Variants in BCL11A observed in about 807,000 individuals in gnomAD.
The protein encoded by BCL11A is B cell CLL/lymphoma 11A.
BCL11A carries 2 observed loss-of-function variants against 55.9 expected under a neutral mutation model. That is an observed-to-expected ratio of 0.04 (90% CI 0.01 to 0.11). BCL11A has a LOEUF of 0.11. BCL11A is among the 10% of genes least tolerant of loss of function. The pLI, the probability that BCL11A is intolerant of heterozygous loss-of-function variation, is 1.00. For missense variants in BCL11A, 817 were observed against 1,137.1 expected (o/e 0.72, Z 4.05); for synonymous variants, 465 against 473.4 (o/e 0.98, Z 0.23).
intron 2 of BCL11A, chr2:60,536,909 G>C (rs781374830): frequency 3.9e-5 from 6 of 152,258 alleles, no homozygotes; most frequent in Non-Finnish European, 7.3e-5. Flanking sequence ...AATGCCTGCT[G>C]TCAGCAGCTG....
At chr2:60,479,352 C>A (rs910140670) in intron 2 of BCL11A, among the ~76,000 whole-genome samples, 1 of 152,188 alleles carries the variant, frequency 6.6e-6, no homozygotes, top group African/African-American at 2.4e-5. Flanking sequence ...TGTTTTGAGT[C>A]TCTCTAAGAC....
rs147247403 is a variant in BCL11A, at chr2:60,497,081, C to T, written c.386-28248G>A. Among the ~76,000 whole-genome samples the T allele has an allele frequency of 3.9e-3, 599 of 152,290 alleles. 6 individuals are homozygous for T. The highest frequency in any genetic ancestry group is 0.014 in the African/African-American group (576 of 41,550). On this transcript the variant is annotated intron_variant, in intron 2 of 3. Transcript: ENST00000642384. ...AGTGTTGAGTGGACAGGGAGTACAC[C>T]GCAGACACCTGTTGGCCAACCAATT...
At chr2:60,475,635 CCT>C (rs1175442828) in intron 2 of BCL11A, among the ~76,000 whole-genome samples, 3 of 152,130 alleles carry the variant, frequency 2.0e-5, no homozygotes, top group Non-Finnish European at 4.4e-5. Context: ...CCAAATTTCC[CCT>C]CTTTCTTCTT....
At chr2:60,552,900 G>C (rs949861830) in intron 1 of BCL11A, among the ~76,000 whole-genome samples, 1 of 151,896 alleles carries the variant, frequency 6.6e-6, no homozygotes, top group Non-Finnish European at 1.5e-5. Context: ...GGCGGGGGGG[G>C]AGTGGAATCA....
downstream of BCL11A, chr2:60,452,469 T>C: frequency 3.2e-6 from 3 of 943,126 alleles, no homozygotes; most frequent in Non-Finnish European, 5.2e-6. Flanking sequence ...CAACGGCTTC[T>C]TGGAGGCTAC....
At position 60,461,189 on chromosome 2, in the gene BCL11A, G is replaced by C. The variant is rs747373412; in HGVS notation, c.1723C>G (p.Leu575Val). ...TCCCTGTGGCCCTCGGCCTCGGCCA[G>C]GTGGCCGCGCTTATGCTTCTCGCCC... ...VLGEKHKRGH[L>V]AEAEGHRDTC... The change falls in exon 4 of 4, where the codon CTG becomes GTG. Residue 575 changes from leucine (L) to valine (V), a missense_variant. Physicochemically the swap from Leu to Val is conservative, Grantham distance 32 (BLOSUM62 1). Around this residue, in one of 4 missense-constraint regions of BCL11A, gnomAD observed 379 missense variants for 425.3 expected, o/e 0.89. Transcript: ENST00000642384. 6.2e-7 allele frequency: 1 copy of C among 1,612,550 alleles called. No individual in the cohort carries two copies. The highest frequency in any genetic ancestry group is 8.5e-7 in the Non-Finnish European group (1 of 1,179,842).
At chr2:60,526,874 G>A (rs1454146608) in intron 2 of BCL11A, 1 of 152,224 alleles carries the variant, frequency 6.6e-6, no homozygotes, top group Non-Finnish European at 1.5e-5. Flanking sequence ...GCATTCTTAA[G>A]CGGGGAACTA....
intron 2 of BCL11A, among the ~76,000 whole-genome samples, chr2:60,502,811 C>T (rs1473915775): frequency 6.6e-6 from 1 of 152,202 alleles, no homozygotes; most frequent in Non-Finnish European, 1.5e-5. Context: ...CTAGTCCTGT[C>T]ACCCAGAAAC....
chr2:60,482,673 C>G (rs1678030753), intron 2 of BCL11A, among the ~76,000 whole-genome samples: 1 of 152,176 alleles, frequency 6.6e-6, no homozygotes, highest in Admixed American at 6.5e-5. Flanking sequence ...CACTGCATCC[C>G]AAGGTTAAGA....
intron 2 of BCL11A, among the ~76,000 whole-genome samples, chr2:60,521,004 A>G (rs577800766): frequency 1.3e-5 from 2 of 152,130 alleles, no homozygotes. Context: ...CTATTTGTCT[A>G]AACACTTTTT....
At position 60,460,800 on chromosome 2, in the gene BCL11A, C is replaced by T. The variant is rs1164854598; in HGVS notation, c.2112G>A (p.Gly704=). The T allele has an allele frequency of 6.2e-7, 1 of 1,612,996 alleles. No individual in the cohort carries two copies. The highest frequency in any genetic ancestry group is 8.5e-7 in the Non-Finnish European group (1 of 1,180,028). The change falls in exon 4 of 4, where the codon GGG becomes GGA. Residue 704 remains glycine (G), a synonymous_variant. Transcript: ENST00000642384. ...GCCCCGAGATCCCTCCGTCCAGCTC[C>T]CCGGGCGGTGTGGAGAAGCGCAAAC... ...NGSLRFSTPP[G]ELDGGISGRS... is the part of the protein sequence containing the mutation.
chr2:60,531,254 A>G (rs1669445460), intron 2 of BCL11A, among the ~76,000 whole-genome samples: 1 of 152,146 alleles, frequency 6.6e-6, no homozygotes, highest in Admixed American at 6.5e-5. Context: ...CACAGACACA[A>G]ATCCCGTTGG....
At chr2:60,465,385 G>T (rs1201863588) in intron 3 of BCL11A, among the ~76,000 whole-genome samples, 1 of 152,196 alleles carries the variant, frequency 6.6e-6, no homozygotes, top group African/African-American at 2.4e-5. Flanking sequence ...GCCTCATTGG[G>T]CATTTACGGG....
intron 2 of BCL11A, chr2:60,508,895 AG>A (rs1363147358): frequency 6.6e-6 from 1 of 152,280 alleles, no homozygotes; most frequent in Non-Finnish European, 1.5e-5. Flanking sequence ...GGGAAACCTA[AG>A]GCCTACCTTG....
intron 2 of BCL11A, among the ~76,000 whole-genome samples, chr2:60,500,911 T>G (rs1223243017): frequency 6.6e-6 from 1 of 152,000 alleles, no homozygotes; most frequent in Non-Finnish European, 1.5e-5. Context: ...CAACCTGGGG[T>G]TGCTGATGGA....
chr2:60,551,553 C>A (rs1237094231), intron 1 of BCL11A, among the ~76,000 whole-genome samples: 1 of 152,250 alleles, frequency 6.6e-6, no homozygotes, highest in Non-Finnish European at 1.5e-5. Context: ...GGACAAGAGA[C>A]GTCTGAGAAA....
intron 2 of BCL11A, among the ~76,000 whole-genome samples, chr2:60,508,252 G>A (rs536726202): frequency 1.3e-5 from 2 of 152,150 alleles, no homozygotes; most frequent in South Asian, 4.2e-4. Flanking sequence ...TAAAAACTAG[G>A]AGGAAGCTCA....
chr2:60,550,109 G>A (rs1434123937), intron 1 of BCL11A, among the ~76,000 whole-genome samples: 1 of 152,062 alleles, frequency 6.6e-6, no homozygotes, highest in Non-Finnish European at 1.5e-5. Context: ...AAGTGAGGCT[G>A]GAGACCAAGT....
rs762756213 is a variant in BCL11A at position 60,462,060 on chromosome 2, C to T, written c.852G>A (p.Ala284=). The T allele has an allele frequency of 5.6e-6, 9 of 1,593,146 alleles. No homozygotes were observed. The highest frequency in any genetic ancestry group is 7.7e-6 in the Non-Finnish European group (9 of 1,169,920). ...LDPHRIERLG[A]EEMALATHHP... ...GATGGGTGGCCAGGGCCATCTCTTC[C>T]GCCCCCAGGCGCTCTATGCGGTGGG... is the stretch of plus-strand genomic sequence containing the variant. Residue 284 remains alanine (A), a synonymous_variant, in exon 4 of 4, where the codon GCG becomes GCA. Transcript: ENST00000642384.
Sources: gnomAD v4.1 joint callset for allele counts (sites outside exome capture counted in the v4.1 genomes callset) on GRCh38, gnomAD v4.1.1 for gene constraint, gnomAD v4.1.1 regional missense constraint, MANE v1.5 for transcripts, NCBI Gene and HGNC (gene_info 2026-07-23, HGNC 2026-07-21) for gene names.